The following CLCNKA variants were observed in gnomAD, a reference collection of about 807,000 sequenced individuals.
CLCNKA encodes chloride channel protein ClC-Ka.
CLCNKA carries 66 observed loss-of-function variants against 83.3 expected under a neutral mutation model. The ratio of observed to expected loss-of-function variants is 0.79; its 90% CI spans 0.65 to 0.97. CLCNKA has a LOEUF of 0.97. CLCNKA is among the 50% of genes least tolerant of loss of function. CLCNKA has a pLI of 0.00. For missense variants in CLCNKA, 806 were observed against 888.7 expected, an observed-to-expected ratio of 0.91 and a Z score of 1.18; for synonymous variants, 357 against 370.4, an observed-to-expected ratio of 0.96 and a Z score of 0.42.
Position 16,027,312 on chromosome 1 carries a change from G to C in CLCNKA, c.658G>C (p.Val220Leu), listed in dbSNP as rs752482057. The C allele has an allele frequency of 1.2e-6, 2 of 1,613,180 alleles. No homozygotes were observed. The highest frequency in any genetic ancestry group is 2.2e-5 in the South Asian group (2 of 91,056). The change falls in exon 8 of 20, where the codon GTC becomes CTC. Residue 220 changes from valine (V) to leucine (L), a missense_variant and splice_region_variant. Val to Leu is a conservative substitution (Grantham distance 32, BLOSUM62 1). Coordinates refer to ENST00000331433, the MANE Select transcript of CLCNKA (RefSeq NM_004070.4). The stretch of plus-strand genomic sequence containing the variant: ...CCTGACATCAGTGTCGCCCCCAGGC[G>C]TCCTGTTCAGCATCGAGGTCATGTC... Reference protein sequence around the residue: ...ATVFAAPFSGVLFSIEVMSSH... With the variant: ...ATVFAAPFSGLLFSIEVMSSH...
intron 7 of CLCNKA, 89 bp from the exon 8 acceptor site, chr1:16,027,221 G>A: frequency 6.4e-7 from 1 of 1,574,016 alleles, no homozygotes. Context: ...AGGACAGATG[G>A]CTCAGGGAGG....
chr1:16,031,318 A>C (rs2022616766), intron 15 of CLCNKA, among the ~76,000 whole-genome samples: 1 of 152,194 alleles, frequency 6.6e-6, no homozygotes, highest in Admixed American at 6.5e-5. Context: ...TTTATAATCA[A>C]ATGGAATTAT....
At chr1:16,023,420 G>A (rs751741191) in intron 2 of CLCNKA, among the ~76,000 whole-genome samples, 2 of 152,174 alleles carry the variant, frequency 1.3e-5, no homozygotes, top group East Asian at 1.9e-4. Flanking sequence ...GTACAGGCAC[G>A]GGTGGGGAGA....
Position 16,030,033 on chromosome 1 carries a change from G to A in CLCNKA, c.1366G>A (p.Gly456Arg). ...CTTCCCTGAGGGCATTGTGACTGGAGGGGTTACCAATCCCATCATGCCCGG... is the reference window on the plus strand; with the variant it reads ...CTTCCCTGAGGGCATTGTGACTGGAAGGGTTACCAATCCCATCATGCCCGG... ...VAFPEGIVTG[G>R]VTNPIMPGGY... Residue 456 changes from glycine (G) to arginine (R), a missense_variant, in exon 14 of 20, where the codon GGG (glycine) becomes AGG (arginine). Coordinates refer to ENST00000331433, the MANE Select transcript of CLCNKA (RefSeq NM_004070.4). 3 of 1,610,628 alleles carry A rather than the reference G, an allele frequency of 1.9e-6. No homozygotes were observed. The highest frequency in any genetic ancestry group is 2.2e-5 in the South Asian group (2 of 91,062).
chr1:16,032,499 G>A lies in CLCNKA; in HGVS notation c.1902G>A (p.Thr634=), dbSNP rs749017776. 31 of 1,613,096 alleles carry A rather than the reference G, an allele frequency of 1.9e-5. No individual in the cohort carries two copies. The highest frequency in any genetic ancestry group is 3.3e-5 in the Admixed American group (2 of 60,006). Residue 634 remains threonine (T), a synonymous_variant, in exon 18 of 20, where the codon ACG becomes ACA. Transcript: ENST00000331433. ...RGCPTEPVTL[T]LFSETTLHQA... ...GCCCCACGGAACCAGTGACCCTGAC[G>A]CTATTCTCAGAGACCACCTTGCACC... is the stretch of plus-strand genomic sequence containing the variant.
At position 16,022,627 on chromosome 1, in the gene CLCNKA, A is replaced by C. The variant is rs371201410; in HGVS notation, c.8A>C (p.Glu3Ala). 9.0e-6 allele frequency: 14 copies of C among 1,564,080 alleles called. No homozygotes were observed. The highest frequency in any genetic ancestry group is 1.2e-5 in the Non-Finnish European group (14 of 1,153,828). ME[E>A]LVGLREGFSG... ...TGCTTCTCCAGGGGCCTGATGGAGG[A>C]GTTGGTGGGGCTGCGTGAGGGCTTC... The change falls in exon 2 of 20, where the codon GAG becomes GCG. Residue 3 changes from glutamate (E) to alanine (A), a missense_variant. Glu to Ala is a moderately radical substitution (Grantham distance 107). Transcript: ENST00000331433.
chr1:16,029,710 C>T, intron 12 of CLCNKA, 21 bp from the exon 13 acceptor site: 1 of 1,614,090 alleles, frequency 6.2e-7, no homozygotes, highest in Non-Finnish European at 8.5e-7. Context: ...AACCTCTGCC[C>T]TGGGCTCCCC....
At chr1:16,022,207 CCTG>C (rs1390518668) in intron 1 of CLCNKA, 144 bp downstream of exon 1, 1 of 158,344 alleles carries the variant, frequency 6.3e-6, no homozygotes, top group African/African-American at 2.4e-5. Context: ...GCCTCTGTGA[CCTG>C]AGCTGTCGGG....
chr1:16,024,629 T>C, intron 3 of CLCNKA, 134 bp from the exon 4 acceptor site: 1 of 1,222,482 alleles, frequency 8.2e-7, no homozygotes. Context: ...TTCTTGGGGG[T>C]CTGCACCTCA....
At chr1:16,028,876 T>C (rs369200157) in intron 11 of CLCNKA, 31 bp downstream of exon 11, 8 of 1,606,676 alleles carry the variant, frequency 5.0e-6, no homozygotes, top group Non-Finnish European at 6.8e-6. Context: ...GTGGCAGGAG[T>C]GGGAACCCCC....
intron 18 of CLCNKA, 101 bp downstream of exon 18, chr1:16,032,627 C>T (rs1557457865): frequency 1.5e-5 from 14 of 917,268 alleles, no homozygotes; most frequent in Non-Finnish European, 2.5e-5. Flanking sequence ...CCGCCCCGCC[C>T]ATCTTATCCT....
intron 3 of CLCNKA, among the ~76,000 whole-genome samples, chr1:16,024,297 C>T (rs1475621751): frequency 6.6e-6 from 1 of 152,244 alleles, no homozygotes; most frequent in Non-Finnish European, 1.5e-5. Flanking sequence ...AGCAGCCTGC[C>T]TCCACCCTGA....
chr1:16,025,212 C>T (rs2124025217), intron 4 of CLCNKA, among the ~76,000 whole-genome samples: 1 of 152,334 alleles, frequency 6.6e-6, no homozygotes, highest in Non-Finnish European at 1.5e-5. Flanking sequence ...AGGGGAGCTC[C>T]AGGCTCACTC....
At chr1:16,029,414 C>CT in intron 12 of CLCNKA, 115 bp downstream of exon 12, 1 of 1,490,234 alleles carries the variant, frequency 6.7e-7, no homozygotes, top group Non-Finnish European at 9.2e-7. Flanking sequence ...CCCACACTTC[C>CT]TTCTGTGCCC....
chr1:16,029,087 G>C (rs745920472), intron 11 of CLCNKA, 39 bp from the exon 12 acceptor site: 1 of 1,603,466 alleles, frequency 6.2e-7, no homozygotes, highest in Non-Finnish European at 8.5e-7. Flanking sequence ...GCCGCTGGGG[G>C]GGGCCCCTCA....
chr1:16,029,637 T>G (rs2022529330), intron 12 of CLCNKA, 94 bp from the exon 13 acceptor site: 1 of 1,488,502 alleles, frequency 6.7e-7, no homozygotes. Flanking sequence ...CCTCTTTCTA[T>G]CTAGGACACT....
At chr1:16,027,237 AG>A in intron 7 of CLCNKA, 72 bp from the exon 8 acceptor site, 1 of 1,575,894 alleles carries the variant, frequency 6.3e-7, no homozygotes, top group South Asian at 1.1e-5. Flanking sequence ...GGAGGAGGCG[AG>A]ATGGGGGAGG....
intron 11 of CLCNKA, 99 bp downstream of exon 11, chr1:16,028,944 A>T (rs1425694538): frequency 6.6e-7 from 1 of 1,504,782 alleles, no homozygotes; most frequent in Admixed American, 1.7e-5. Context: ...CACCAGGGTG[A>T]CACCTGGGCA....
At position 16,030,687 on chromosome 1, in the gene CLCNKA, C is replaced by T; in HGVS notation, c.1622+13C>T. 6.2e-7 allele frequency: 1 copy of T among 1,613,168 alleles called. No homozygotes were observed. The highest frequency in any genetic ancestry group is 8.5e-7 in the Non-Finnish European group (1 of 1,180,028). On this transcript the variant is annotated intron_variant, in intron 15 of 19. Coordinates refer to ENST00000331433, the MANE Select transcript of CLCNKA (RefSeq NM_004070.4). The stretch of plus-strand genomic sequence containing the variant: ...GCCGCAACATCGGGTGAGTGGTGCC[C>T]ACCTCAGGCTGACTGAAGGGGGTCA...
Sources: allele counts gnomAD v4.1 joint callset (sites outside exome capture counted in the v4.1 genomes callset), GRCh38; gene constraint gnomAD v4.1.1; transcripts MANE v1.5; gene names NCBI Gene and HGNC (gene_info 2026-07-23, HGNC 2026-07-21).